HYDIN: variants seen among roughly 807,000 people sequenced by gnomAD.
HYDIN encodes HYDIN axonemal central pair apparatus protein.
Under a neutral mutation model 403.9 loss-of-function variants are expected in HYDIN, and 132 were observed. The ratio of observed to expected loss-of-function variants is 0.33; its 90% CI spans 0.28 to 0.38. HYDIN has a LOEUF of 0.38. HYDIN is among the 10% of genes least tolerant of loss of function. The probability of loss-of-function intolerance (pLI) is 1.00; values close to 1 mark genes in which losing one functional copy is unlikely to be tolerated. For synonymous variants in HYDIN, 1,202 were observed against 1,891.7 expected, an observed-to-expected ratio of 0.64 and a Z score of 9.46; for missense variants, 2,827 against 5,009.5, an observed-to-expected ratio of 0.56 and a Z score of 13.15.
At chr16:70,959,140 G>T (rs1204042856) in intron 39 of HYDIN, among the ~76,000 whole-genome samples, 2 of 150,234 alleles carry the variant, frequency 1.3e-5, no homozygotes, top group East Asian at 2.0e-4. Context: ...AAGGATTCTC[G>T]TTAAAAAATC....
At chr16:71,086,301 A>C (rs1298703995) in intron 12 of HYDIN, among the ~76,000 whole-genome samples, 1 of 152,124 alleles carries the variant, frequency 6.6e-6, no homozygotes, top group Non-Finnish European at 1.5e-5. Flanking sequence ...CCTAATATAC[A>C]ACCTTGCTTG....
rs749813241 is a variant in HYDIN at position 70,879,277 on chromosome 16, G to A, written c.10557+20C>T. 38 of 1,237,046 alleles carry A rather than the reference G, an allele frequency of 3.1e-5. No homozygotes were observed. Among genetic ancestry groups the A allele is most frequent in the African/African-American group, 6.1e-5 (4 of 65,496 alleles). 76.6% of individuals were successfully genotyped at this position (1,237,046 alleles called of 1,614,324 possible). A position where few individuals can be genotyped will look rare whatever the true frequency, so the allele number is the denominator to read the frequency against. ...GGATTCTTCTCCCTTTCAGCCTCAT[G>A]CTTCACCCTCGAGTATTACCTGGGC... On this transcript the variant is annotated intron_variant, in intron 62 of 85. Coordinates refer to ENST00000393567, the MANE Select transcript of HYDIN (RefSeq NM_001270974.2).
chr16:70,908,192 C>T (rs1459699719), intron 49 of HYDIN, 60 bp downstream of exon 49: 5 of 1,474,058 alleles, frequency 3.4e-6, no homozygotes, highest in Non-Finnish European at 4.7e-6. Flanking sequence ...GTTCAAAGTG[C>T]CATGGAGGAA....
At chr16:70,854,567 A>G (rs1446238922) in intron 73 of HYDIN, among the ~76,000 whole-genome samples, 1 of 150,196 alleles carries the variant, frequency 6.7e-6, no homozygotes, top group East Asian at 2.0e-4. Flanking sequence ...GGCGCCCGCC[A>G]ACACGCCTGG....
intron 1 of HYDIN, among the ~76,000 whole-genome samples, chr16:71,227,305 C>A (rs2041078752): frequency 6.6e-6 from 1 of 151,904 alleles, no homozygotes; most frequent in Non-Finnish European, 1.5e-5. Context: ...AAATTAAAAG[C>A]AGAATGAGAT....
At chr16:71,163,995 C>T (rs2086120566) in intron 5 of HYDIN, among the ~76,000 whole-genome samples, 2 of 148,996 alleles carry the variant, frequency 1.3e-5, no homozygotes, top group Non-Finnish European at 3.0e-5. Context: ...AGTTTAAATG[C>T]AACAGAAATG....
At chr16:71,215,159 G>A (rs1285909290) in intron 1 of HYDIN, among the ~76,000 whole-genome samples, 1 of 151,880 alleles carries the variant, frequency 6.6e-6, no homozygotes, top group Non-Finnish European at 1.5e-5. Context: ...AAACTAATTA[G>A]TCACCTTTAG....
rs756683229 is a variant in HYDIN, at chr16:70,850,547, G to A, written c.12552C>T (p.Ala4184=). The A allele has an allele frequency of 1.8e-5, 29 of 1,611,188 alleles. No individual in the cohort carries two copies. Among genetic ancestry groups the A allele is most frequent in the African/African-American group, 1.5e-4 (11 of 74,682 alleles). The change falls in exon 74 of 86, where the codon GCC becomes GCT. Residue 4184 remains alanine (A), a synonymous_variant. Transcript: ENST00000393567. ...KVHPVTLNVK[A]EGYTMNVEIK... is the part of the protein sequence containing the mutation. ...TCTCCACATTCATAGTGTAGCCCTC[G>A]GCCTTGACATTTAATGTCACAGGGT...
At chr16:71,229,818 T>C (rs2041201732) in intron 1 of HYDIN, among the ~76,000 whole-genome samples, 1 of 152,242 alleles carries the variant, frequency 6.6e-6, no homozygotes, top group Admixed American at 6.5e-5. Context: ...CTTATTGCAG[T>C]AAGTACATGA....
At chr16:71,077,578 T>C (rs1265954307) in intron 13 of HYDIN, among the ~76,000 whole-genome samples, 2 of 152,102 alleles carry the variant, frequency 1.3e-5, no homozygotes, top group Non-Finnish European at 2.9e-5. Flanking sequence ...TTCAACTACT[T>C]ATCTTTTATT....
chr16:70,808,005 C>A lies in HYDIN; in HGVS notation c.14941G>T (p.Gly4981Ter). Residue 4981 changes from glycine to a stop codon, truncating the protein, a stop_gained, in exon 86 of 86, where the codon GGA (glycine) becomes TGA (stop). Coordinates refer to ENST00000393567, the MANE Select transcript of HYDIN (RefSeq NM_001270974.2). LOFTEE classifies it high-confidence loss of function. ...ACTTCCACACTGGCTTCAGTGCCTC[C>A]CTGGCCTCCTGGGGCTGCATTAATG... ...KLINAAPGGQGGTEASVEVLF... is the reference protein window; with the variant it reads ...KLINAAPGGQ 6.2e-7 allele frequency: 1 copy of A among 1,614,004 alleles called. No individual in the cohort carries two copies. Among genetic ancestry groups the A allele is most frequent in the Non-Finnish European group, 8.5e-7 (1 of 1,179,964 alleles).
At chr16:70,870,401 A>T (rs570623260) in intron 65 of HYDIN, among the ~76,000 whole-genome samples, 1 of 152,024 alleles carries the variant, frequency 6.6e-6, no homozygotes, top group East Asian at 2.0e-4. Context: ...CTGGGAGGAA[A>T]AAATGGTTTT....
At chr16:70,826,765 ACTTT>A (rs1194112229) in intron 83 of HYDIN, among the ~76,000 whole-genome samples, 28 of 142,386 alleles carry the variant, frequency 2.0e-4, no homozygotes, top group African/African-American at 5.8e-4. Flanking sequence ...GTTCCTAGAT[ACTTT>A]CTTTTTTTCT....
chr16:71,178,158 G>A (rs1012723241), intron 4 of HYDIN, among the ~76,000 whole-genome samples: 3 of 152,056 alleles, frequency 2.0e-5, no homozygotes, highest in African/African-American at 7.2e-5. Context: ...GGTGGCTCAC[G>A]CCTATAATCC....
chr16:71,029,855 T>C (rs2080841318), intron 19 of HYDIN, among the ~76,000 whole-genome samples: 1 of 152,072 alleles, frequency 6.6e-6, no homozygotes, highest in African/African-American at 2.4e-5. Context: ...GCACAGCATA[T>C]ATGACTTGAT....
chr16:71,073,988 T>A (rs4238974), intron 13 of HYDIN, among the ~76,000 whole-genome samples: 72,501 of 151,300 alleles, frequency 0.48, 19,850 homozygotes, highest in East Asian at 0.74. Context: ...CCCATCTATC[T>A]CAACATCATC....
At chr16:70,854,048 G>A (rs924448528) in intron 73 of HYDIN, among the ~76,000 whole-genome samples, 3 of 144,384 alleles carry the variant, frequency 2.1e-5, no homozygotes, top group African/African-American at 5.1e-5. Context: ...CCTGGCTAAC[G>A]TTTGTAGTTT....
chr16:71,073,900 C>T (rs1568112910), intron 13 of HYDIN, among the ~76,000 whole-genome samples: 1 of 152,102 alleles, frequency 6.6e-6, no homozygotes. Context: ...GTAGGTCATC[C>T]AACATCCAAT....
chr16:70,943,811 C>T lies in HYDIN; in HGVS notation c.6669+1G>A, dbSNP rs373719742. 1.4e-4 allele frequency: 231 copies of T among 1,611,654 alleles called. No individual in the cohort carries two copies. Among genetic ancestry groups the T allele is most frequent in the Non-Finnish European group, 1.9e-4 (228 of 1,179,968 alleles). On this transcript the variant is annotated splice_donor_variant, in intron 42 of 85. Coordinates refer to ENST00000393567, the MANE Select transcript of HYDIN (RefSeq NM_001270974.2). LOFTEE classifies it high-confidence loss of function. ...GCTCTGTGCAGGTGGCATGGACCCACCTGTATCCGCTCTGCCAGGATCTGC... is the reference window on the plus strand; with the variant it reads ...GCTCTGTGCAGGTGGCATGGACCCATCTGTATCCGCTCTGCCAGGATCTGC...
Sources: gnomAD v4.1 joint callset for allele counts (sites outside exome capture counted in the v4.1 genomes callset) on GRCh38, gnomAD v4.1.1 for gene constraint, MANE v1.5 for transcripts, NCBI Gene and HGNC (gene_info 2026-07-23, HGNC 2026-07-21) for gene names.